CLSTN1: variants seen among roughly 807,000 people sequenced by gnomAD.
The protein encoded by CLSTN1 is calsyntenin 1.
In CLSTN1, 28 loss-of-function variants were observed where a neutral mutation model predicts 108.3. The observed-to-expected ratio is 0.26, with a 90% CI of 0.19 to 0.35. CLSTN1 has a LOEUF of 0.35. CLSTN1 is among the 10% of genes least tolerant of loss of function. The pLI is 1.00. For missense variants in CLSTN1, 1,157 were observed against 1,302.6 expected (o/e 0.89, Z 1.72); for synonymous variants, 524 against 534.9 (o/e 0.98, Z 0.28).
At chr1:9,781,446 C>CTTT (rs766133785) in intron 1 of CLSTN1, among the ~76,000 whole-genome samples, 1 of 143,836 alleles carries the variant, frequency 7.0e-6, no homozygotes, top group African/African-American at 2.5e-5. Context: ...ACATCTTATT[C>CTTT]TTTTTTTTTT....
At chr1:9,749,156 G>A (rs986233991) in intron 7 of CLSTN1, among the ~76,000 whole-genome samples, 1 of 152,022 alleles carries the variant, frequency 6.6e-6, no homozygotes, top group African/African-American at 2.4e-5. Flanking sequence ...TTCCCACCTC[G>A]GCCTCCTAAA....
At chr1:9,815,028 T>C (rs1654915935) in intron 1 of CLSTN1, among the ~76,000 whole-genome samples, 1 of 152,256 alleles carries the variant, frequency 6.6e-6, no homozygotes, top group South Asian at 2.1e-4. Flanking sequence ...TGCATGTGTC[T>C]GGGTGGCTGT....
Position 9,751,677 on chromosome 1 carries a change from T to G in CLSTN1, c.445A>C (p.Thr149Pro). 6.2e-7 allele frequency: 1 copy of G among 1,614,032 alleles called. No homozygotes were observed. Among genetic ancestry groups the G allele is most frequent in the South Asian group, 1.1e-5 (1 of 91,074 alleles). The change falls in exon 5 of 19, where the codon ACT becomes CCT. Residue 149 changes from threonine to proline, a missense_variant. Physicochemically the swap from Thr to Pro is conservative, Grantham distance 38. Transcript: ENST00000377298. ...ACGTCGTTCACCTGAATATGAACAG[T>G]TGCTCTGGACAAAGGGAGGGAGAAA... ...GTNVKKSHKA[T>P]VHIQVNDVNE...
At chr1:9,799,455 C>G (rs1654155908) in intron 1 of CLSTN1, among the ~76,000 whole-genome samples, 1 of 151,816 alleles carries the variant, frequency 6.6e-6, no homozygotes, top group Non-Finnish European at 1.5e-5. Context: ...TCCTGGCTAA[C>G]ACGGTGAAAC....
At chr1:9,751,419 T>C in intron 5 of CLSTN1, 54 bp downstream of exon 5, 1 of 1,556,892 alleles carries the variant, frequency 6.4e-7, no homozygotes, top group Non-Finnish European at 8.8e-7. Flanking sequence ...GTAAAGTCAG[T>C]GGGGTTAGCA....
intron 1 of CLSTN1, among the ~76,000 whole-genome samples, chr1:9,812,707 C>T (rs761335056): frequency 1.3e-5 from 2 of 151,804 alleles, no homozygotes; most frequent in African/African-American, 2.4e-5. Context: ...TTAGCCGGGC[C>T]AGTTGTGGTG....
intron 1 of CLSTN1, among the ~76,000 whole-genome samples, chr1:9,818,671 T>C (rs545591358): frequency 2.5e-4 from 38 of 151,986 alleles, no homozygotes; most frequent in African/African-American, 9.2e-4. Flanking sequence ...ATAAATAATT[T>C]CCACCAATCT....
At chr1:9,786,202 CACACACATTA>C (rs1653478923) in intron 1 of CLSTN1, among the ~76,000 whole-genome samples, 1 of 151,988 alleles carries the variant, frequency 6.6e-6, no homozygotes, top group Admixed American at 6.6e-5. Flanking sequence ...AAACAAAAAA[CACACACATTA>C]AGTGTCAAAT....
At chr1:9,810,213 C>T (rs1276843084) in intron 1 of CLSTN1, among the ~76,000 whole-genome samples, 3 of 119,724 alleles carry the variant, frequency 2.5e-5, no homozygotes, top group African/African-American at 6.3e-5. Flanking sequence ...TGGTGGCTCA[C>T]GCCTCTAATC....
At chr1:9,817,056 C>T (rs562059841) in intron 1 of CLSTN1, among the ~76,000 whole-genome samples, 13 of 152,276 alleles carry the variant, frequency 8.5e-5, no homozygotes, top group African/African-American at 2.4e-4. Context: ...TCAGACAGAA[C>T]GAAACAGATG....
intron 2 of CLSTN1, among the ~76,000 whole-genome samples, chr1:9,762,959 C>A (rs557849246): frequency 1.4e-5 from 2 of 147,000 alleles, no homozygotes; most frequent in Non-Finnish European, 3.0e-5. Context: ...TTTCGGGGTA[C>A]CTTTTTTTTT....
chr1:9,787,949 T>C (rs1225810884), intron 1 of CLSTN1, among the ~76,000 whole-genome samples: 1 of 151,346 alleles, frequency 6.6e-6, no homozygotes, highest in Admixed American at 6.7e-5. Context: ...TTTCTGTCTC[T>C]GTGAATTTGA....
intron 1 of CLSTN1, among the ~76,000 whole-genome samples, chr1:9,780,205 C>G (rs538060795): frequency 6.7e-6 from 1 of 148,946 alleles, no homozygotes; most frequent in Non-Finnish European, 1.5e-5. Context: ...TGCCACTAAT[C>G]AAATTAATAT....
chr1:9,731,714 C>T (rs1305292209), intron 17 of CLSTN1, 47 bp downstream of exon 17: 24 of 1,606,514 alleles, frequency 1.5e-5, no homozygotes, highest in African/African-American at 2.7e-5. Flanking sequence ...GGGGGCAGGG[C>T]GGACGGCATG....
chr1:9,813,566 AGTTT>A (rs1363701727), intron 1 of CLSTN1, among the ~76,000 whole-genome samples: 1 of 152,070 alleles, frequency 6.6e-6, no homozygotes, highest in Non-Finnish European at 1.5e-5. Context: ...GGGGCCCCAC[AGTTT>A]GTTTTGCATT....
chr1:9,733,267 GACC>G, intron 16 of CLSTN1, 131 bp downstream of exon 16: 4 of 1,086,940 alleles, frequency 3.7e-6, no homozygotes, highest in Non-Finnish European at 5.3e-6. Flanking sequence ...CTGGAAAGGC[GACC>G]CCCTAGAATG....
intron 1 of CLSTN1, among the ~76,000 whole-genome samples, chr1:9,821,908 C>A (rs1425599153): frequency 6.6e-6 from 1 of 152,160 alleles, no homozygotes; most frequent in African/African-American, 2.4e-5. Flanking sequence ...CTCAACTAGC[C>A]AACACACCTT....
At chr1:9,765,831 C>T (rs780727831) in intron 2 of CLSTN1, among the ~76,000 whole-genome samples, 4 of 152,046 alleles carry the variant, frequency 2.6e-5, no homozygotes, top group African/African-American at 4.8e-5. Flanking sequence ...GAGCCAAGAT[C>T]GCGCCACTGC....
At chr1:9,785,629 A>G (rs1653451852) in intron 1 of CLSTN1, among the ~76,000 whole-genome samples, 1 of 151,850 alleles carries the variant, frequency 6.6e-6, no homozygotes, top group African/African-American at 2.4e-5. Flanking sequence ...AAGTGTCTCC[A>G]GACATTCCCC....
Sources: gnomAD v4.1 joint callset for allele counts (sites outside exome capture counted in the v4.1 genomes callset) on GRCh38, gnomAD v4.1.1 for gene constraint, MANE v1.5 for transcripts, NCBI Gene and HGNC (gene_info 2026-07-23, HGNC 2026-07-21) for gene names.